GABRA5: variants seen among roughly 807,000 people sequenced by gnomAD.
GABRA5 encodes the protein gamma-aminobutyric acid type A receptor subunit alpha5.
In GABRA5, 18 loss-of-function variants were observed where a neutral mutation model predicts 47.3. That is an observed-to-expected ratio of 0.38 (90% CI 0.26 to 0.56). The LOEUF is 0.56. Among genes scored for constraint, GABRA5 ranks in the 20% least tolerant of loss-of-function variants. GABRA5 has a pLI of 0.71. For missense variants in GABRA5, 365 were observed against 599.3 expected (o/e 0.61, Z 4.08); for synonymous variants, 237 against 229.3 (o/e 1.03, Z -0.30).
intron 6 of GABRA5, among the ~76,000 whole-genome samples, chr15:26,891,503 A>G (rs1473342477): frequency 6.6e-6 from 1 of 152,328 alleles, no homozygotes; most frequent in East Asian, 1.9e-4. Flanking sequence ...TATGCGCGCT[A>G]TTCAGCCATG....
chr15:26,920,583 G>T lies in GABRA5; in HGVS notation c.580+5698G>T, dbSNP rs553174131. Among the ~76,000 whole-genome samples the T allele has an allele frequency of 4.6e-5, 7 of 151,918 alleles. No homozygotes were observed. The South Asian group carries it at 1.0e-3, about 23-fold the overall frequency. On this transcript the variant is annotated intron_variant, in intron 7 of 10. Coordinates refer to ENST00000335625, the MANE Select transcript of GABRA5 (RefSeq NM_000810.4). ...AAATTATATAACTCCATTTCATTAGGCTCAGTTTCTGAAGATTTGTCTTCT... is the reference window on the plus strand; with the variant it reads ...AAATTATATAACTCCATTTCATTAGTCTCAGTTTCTGAAGATTTGTCTTCT...
chr15:26,907,261 G>A (rs1331059746), intron 6 of GABRA5, among the ~76,000 whole-genome samples: 1 of 152,186 alleles, frequency 6.6e-6, no homozygotes, highest in Non-Finnish European at 1.5e-5. Flanking sequence ...ATAAACCAAA[G>A]CGTGGATCAT....
intron 10 of GABRA5, among the ~76,000 whole-genome samples, chr15:26,947,299 C>G (rs551954471): frequency 3.2e-4 from 49 of 152,128 alleles, no homozygotes; most frequent in African/African-American, 1.2e-3. Context: ...TTATACAGAT[C>G]ATTTTGTCAC....
At chr15:26,894,379 C>A (rs1338485567) in intron 6 of GABRA5, among the ~76,000 whole-genome samples, 4 of 152,172 alleles carry the variant, frequency 2.6e-5, no homozygotes, top group African/African-American at 9.6e-5. Flanking sequence ...TCACTGCCGG[C>A]CTCGCGGGCA....
chr15:26,908,354 C>T (rs1252528831), intron 6 of GABRA5, among the ~76,000 whole-genome samples: 3 of 152,096 alleles, frequency 2.0e-5, no homozygotes, highest in Non-Finnish European at 4.4e-5. Context: ...TGAAAATTCA[C>T]CAGCAGCATC....
chr15:26,941,293 G>T (rs2140591333), intron 9 of GABRA5, among the ~76,000 whole-genome samples: 2 of 152,238 alleles, frequency 1.3e-5, no homozygotes, highest in South Asian at 4.2e-4. Flanking sequence ...GGTATTGCCT[G>T]TTATTGTTGG....
intron 6 of GABRA5, among the ~76,000 whole-genome samples, chr15:26,910,871 T>C (rs936833202): frequency 1.6e-4 from 25 of 152,136 alleles, no homozygotes; most frequent in African/African-American, 2.4e-5. Flanking sequence ...TCTTGCGCTA[T>C]GACAGTCACC....
chr15:26,904,061 A>G (rs1438847114), intron 6 of GABRA5, among the ~76,000 whole-genome samples: 1 of 151,968 alleles, frequency 6.6e-6, no homozygotes, highest in African/African-American at 2.4e-5. Flanking sequence ...CTAGAATGGT[A>G]TTGCCTAGGT....
intron 6 of GABRA5, among the ~76,000 whole-genome samples, chr15:26,895,826 A>G (rs12903616): frequency 0.14 from 18,654 of 135,754 alleles, 1,462 homozygotes; most frequent in East Asian, 0.23. Context: ...AAAAAAAAAA[A>G]AAGAAGAAGA....
rs146228433 is a variant in GABRA5, at chr15:26,913,532, C to A, written c.498-1271C>A. Among the ~76,000 whole-genome samples, 548 of 152,210 alleles carry A rather than the reference C, an allele frequency of 3.6e-3. 5 individuals are homozygous for A. Among genetic ancestry groups the A allele is most frequent in the African/African-American group, 0.013 (523 of 41,522 alleles). ...TTGATTCTCACCCTAGGCTAATCAGCGACATTCAGTCTTATATAACAAGGA... is the reference window on the plus strand; with the variant it reads ...TTGATTCTCACCCTAGGCTAATCAGAGACATTCAGTCTTATATAACAAGGA... On this transcript the variant is annotated intron_variant, in intron 6 of 10. Coordinates refer to ENST00000335625, the MANE Select transcript of GABRA5 (RefSeq NM_000810.4).
chr15:26,927,307 T>A (rs1330445309), intron 7 of GABRA5, among the ~76,000 whole-genome samples: 1 of 146,776 alleles, frequency 6.8e-6, no homozygotes, highest in Non-Finnish European at 1.5e-5. Context: ...AGAGTTGGGG[T>A]TTCACTATGT....
At chr15:26,894,666 G>A (rs537444139) in intron 6 of GABRA5, among the ~76,000 whole-genome samples, 1 of 152,098 alleles carries the variant, frequency 6.6e-6, no homozygotes, top group East Asian at 1.9e-4. Context: ...GTACTCTCTG[G>A]TCCTGGCTCT....
intron 6 of GABRA5, among the ~76,000 whole-genome samples, chr15:26,913,983 C>CT (rs1178168708): frequency 3.3e-5 from 5 of 152,128 alleles, no homozygotes; most frequent in African/African-American, 1.2e-4. Flanking sequence ...TCTTTGTAAA[C>CT]TGAGATGGTT....
In GABRA5 at chr15:26,948,305, A is replaced by C; in HGVS notation, c.*72A>C. The C allele has an allele frequency of 6.9e-7, 1 of 1,448,342 alleles. No individual in the cohort carries two copies. Among genetic ancestry groups the C allele is most frequent in the Non-Finnish European group, 9.4e-7 (1 of 1,064,180 alleles). The allele number at this position is 1,448,342 out of a possible 1,614,324, so 89.7% of individuals were successfully genotyped here. The stretch of plus-strand genomic sequence containing the variant: ...GGTACCAAGGAGAGGTCTTGCTCAC[A>C]GGGACTCTCCATATGTGAGCACTAT... On this transcript the variant is annotated 3_prime_UTR_variant, in exon 11 of 11. Transcript: ENST00000335625.
At position 26,948,116 on chromosome 15, in the gene GABRA5, A is replaced by C; in HGVS notation, c.1272A>C (p.Lys424Asn). 1 of 1,613,364 alleles carries C rather than the reference A, an allele frequency of 6.2e-7. No homozygotes were observed. The highest frequency in any genetic ancestry group is 8.5e-7 in the Non-Finnish European group (1 of 1,179,666). The part of the protein sequence containing the change: ...ESKKTYNSIS[K>N]IDKMSRIVFP... ...AAAAGACTTACAACAGTATCAGCAA[A>C]ATTGACAAAATGTCCCGAATCGTAT... Residue 424 changes from lysine to asparagine, a missense_variant, in exon 11 of 11, where the codon AAA becomes AAC. Around this residue, in one of 3 missense-constraint regions of GABRA5, gnomAD observed 106 missense variants for 130.3 expected, o/e 0.81. Transcript: ENST00000335625.
At chr15:26,872,419 T>TCA (rs1892495493) in intron 3 of GABRA5, among the ~76,000 whole-genome samples, 1 of 152,178 alleles carries the variant, frequency 6.6e-6, no homozygotes, top group Non-Finnish European at 1.5e-5. Flanking sequence ...CTGTCACTTC[T>TCA]TGGGCTCCCT....
In GABRA5 at chr15:26,948,566, A is replaced by C. The variant is rs906228856; in HGVS notation, c.*333A>C. On this transcript the variant is annotated 3_prime_UTR_variant, in exon 11 of 11. Coordinates refer to ENST00000335625, the MANE Select transcript of GABRA5 (RefSeq NM_000810.4). ...AGTGTTACCTAACAATGTTTTTTAT[A>C]CTTCAAATGTCATTTCATACAAATT... 6.0e-5 allele frequency: 13 copies of C among 215,236 alleles called. No individual in the cohort carries two copies. The highest frequency in any genetic ancestry group is 7.4e-5 in the Non-Finnish European group (8 of 107,448). The allele number at this position is 215,236 out of a possible 1,614,324, so 13.3% of individuals were successfully genotyped here.
intron 7 of GABRA5, among the ~76,000 whole-genome samples, chr15:26,930,006 C>CTTTTTTTTT (rs72082419): frequency 3.0e-4 from 34 of 113,306 alleles, no homozygotes; most frequent in African/African-American, 9.7e-4. Context: ...TCTTCTTCTT[C>CTTTTTTTTT]TTTTTTTTTT....
intron 7 of GABRA5, among the ~76,000 whole-genome samples, chr15:26,930,895 CTTTTT>C (rs555799476): frequency 1.7e-5 from 2 of 115,036 alleles, no homozygotes; most frequent in African/African-American, 3.4e-5. Flanking sequence ...TCTTTCTTTT[CTTTTT>C]TTTTTTTTTT....
Sources: allele counts gnomAD v4.1 joint callset (sites outside exome capture counted in the v4.1 genomes callset), GRCh38; gene constraint gnomAD v4.1.1; regional missense constraint gnomAD v4.1.1; transcripts MANE v1.5; gene names NCBI Gene and HGNC (gene_info 2026-07-23, HGNC 2026-07-21).